Variants in RPS6KC1 observed in about 807,000 individuals in gnomAD.
RPS6KC1 encodes inactive ribosomal protein S6 kinase delta-1.
A neutral mutation model predicts 103.8 loss-of-function variants in RPS6KC1; 54 were observed. The ratio of observed to expected loss-of-function variants is 0.52; its 90% CI spans 0.42 to 0.65. The LOEUF (loss-of-function observed/expected upper bound fraction) is 0.65, where lower values mean the gene tolerates loss of function less well. RPS6KC1 is among the 30% of genes least tolerant of loss of function. The probability of loss-of-function intolerance (pLI) is 0.00; values close to 1 mark genes in which losing one functional copy is unlikely to be tolerated. For missense variants in RPS6KC1, 1,151 were observed against 1,253.8 expected, an observed-to-expected ratio of 0.92 and a Z score of 1.24; for synonymous variants, 439 against 438.7, an observed-to-expected ratio of 1.00 and a Z score of -0.01.
chr1:213,134,491 T>C (rs1176245920), intron 6 of RPS6KC1, among the ~76,000 whole-genome samples: 1 of 152,144 alleles, frequency 6.6e-6, no homozygotes, highest in Admixed American at 6.6e-5. Context: ...AGACTATTTT[T>C]AATGTTAGTA....
the RPS6KC1 span, among the ~76,000 whole-genome samples, chr1:213,804,504 CT>C: frequency 1.3e-5 from 2 of 152,226 alleles, no homozygotes; most frequent in Non-Finnish European, 2.9e-5. Flanking sequence ...TAGATTCCTG[CT>C]GCAAGGCTTG....
At chr1:213,498,399 A>G in the RPS6KC1 span, among the ~76,000 whole-genome samples, 6 of 152,356 alleles carry the variant, frequency 3.9e-5, no homozygotes, top group East Asian at 1.2e-3. Flanking sequence ...ACCAAGAAAT[A>G]CTTTTGATAA....
chr1:213,707,081 G>T, the RPS6KC1 span, among the ~76,000 whole-genome samples: 2 of 152,202 alleles, frequency 1.3e-5, no homozygotes, highest in Non-Finnish European at 2.9e-5. Context: ...GGATTGCTGG[G>T]TCAAATGGTA....
chr1:213,509,197 T>G, the RPS6KC1 span, among the ~76,000 whole-genome samples: 2 of 152,136 alleles, frequency 1.3e-5, no homozygotes, highest in African/African-American at 2.4e-5. Context: ...GTACATACGA[T>G]CACCCTAAAA....
At chr1:213,668,419 C>T in the RPS6KC1 span, among the ~76,000 whole-genome samples, 1 of 144,792 alleles carries the variant, frequency 6.9e-6, no homozygotes, top group African/African-American at 2.5e-5. Flanking sequence ...CCACCCCCAC[C>T]CCGAGGAGTA....
the RPS6KC1 span, among the ~76,000 whole-genome samples, chr1:213,694,131 G>C: frequency 6.6e-6 from 1 of 152,166 alleles, no homozygotes; most frequent in Non-Finnish European, 1.5e-5. Flanking sequence ...GCTGGGATCG[G>C]GATTATAGTT....
At chr1:213,724,327 G>A in the RPS6KC1 span, among the ~76,000 whole-genome samples, 3 of 152,158 alleles carry the variant, frequency 2.0e-5, no homozygotes, top group Non-Finnish European at 4.4e-5. Context: ...TGATCCACCC[G>A]TCTTGGCCTC....
chr1:213,339,931 G>A, the RPS6KC1 span, among the ~76,000 whole-genome samples: 1 of 151,914 alleles, frequency 6.6e-6, no homozygotes, highest in Non-Finnish European at 1.5e-5. Flanking sequence ...TTGCTCTGTC[G>A]CCTTAGGCTG....
At chr1:213,562,602 T>C in the RPS6KC1 span, among the ~76,000 whole-genome samples, 6 of 152,116 alleles carry the variant, frequency 3.9e-5, no homozygotes, top group South Asian at 1.2e-3. Context: ...TGTCCTGACC[T>C]TGTGATCTGC....
At chr1:213,524,401 G>GCCAGCC in the RPS6KC1 span, among the ~76,000 whole-genome samples, 1 of 151,914 alleles carries the variant, frequency 6.6e-6, no homozygotes, top group Admixed American at 6.6e-5. Context: ...AGAAGGAGCA[G>GCCAGCC]CCAGCCCCAG....
At chr1:213,399,577 C>G in the RPS6KC1 span, among the ~76,000 whole-genome samples, 1 of 152,122 alleles carries the variant, frequency 6.6e-6, no homozygotes, top group Admixed American at 6.5e-5. Flanking sequence ...CCTAGCTACA[C>G]TGAGAGCTTC....
intron 9 of RPS6KC1, among the ~76,000 whole-genome samples, chr1:213,231,038 T>C (rs925693792): frequency 6.6e-6 from 1 of 152,180 alleles, no homozygotes; most frequent in Non-Finnish European, 1.5e-5. Context: ...TACTTTTCTT[T>C]CTATCCTTTC....
the RPS6KC1 span, among the ~76,000 whole-genome samples, chr1:213,356,424 GGCA>G: frequency 2.0e-5 from 3 of 151,712 alleles, no homozygotes; most frequent in South Asian, 6.2e-4. Flanking sequence ...GGGAGGCCGA[GGCA>G]GCAGATCACC....
the RPS6KC1 span, among the ~76,000 whole-genome samples, chr1:213,369,951 C>T: frequency 2.0e-5 from 3 of 152,292 alleles, no homozygotes; most frequent in South Asian, 6.2e-4. Context: ...TCAAGAAACC[C>T]TCTAGGCCAG....
chr1:213,110,395 A>G (rs2082910509), intron 4 of RPS6KC1, among the ~76,000 whole-genome samples: 2 of 152,082 alleles, frequency 1.3e-5, no homozygotes, highest in Admixed American at 6.6e-5. Context: ...GTGTTTAGTA[A>G]CTAATACTTT....
At chr1:213,641,316 G>A in the RPS6KC1 span, among the ~76,000 whole-genome samples, 1 of 151,930 alleles carries the variant, frequency 6.6e-6, no homozygotes, top group African/African-American at 2.4e-5. Flanking sequence ...CATATACTGA[G>A]TAATTTTGGA....
At chr1:213,593,768 T>C in the RPS6KC1 span, among the ~76,000 whole-genome samples, 1 of 152,228 alleles carries the variant, frequency 6.6e-6, no homozygotes, top group African/African-American at 2.4e-5. Context: ...AGGAAGTCAG[T>C]AGGCAGCTGA....
intron 8 of RPS6KC1, 69 bp downstream of exon 8, chr1:213,176,561 G>A (rs1292746338): frequency 1.9e-6 from 2 of 1,033,616 alleles, no homozygotes; most frequent in East Asian, 4.9e-5. Context: ...TGTCTTTGAA[G>A]CTTTGGATCT....
chr1:213,468,048 G>A, the RPS6KC1 span, among the ~76,000 whole-genome samples: 60 of 152,194 alleles, frequency 3.9e-4, no homozygotes, highest in East Asian at 8.5e-3. Flanking sequence ...TTCTCCTAAC[G>A]GGTGAAAGTC....
Sources: allele counts gnomAD v4.1 joint callset (sites outside exome capture counted in the v4.1 genomes callset), GRCh38; gene constraint gnomAD v4.1.1; transcripts MANE v1.5; gene names NCBI Gene and HGNC (gene_info 2026-07-23, HGNC 2026-07-21).